Variants in RAB7A observed in about 807,000 individuals in gnomAD.
The protein encoded by RAB7A is RAB7A, member RAS oncogene family, also known as ras-related protein Rab-7a.
RAB7A carries 2 observed loss-of-function variants against 24.5 expected under a neutral mutation model. That is an observed-to-expected ratio of 0.08 (90% CI 0.03 to 0.26). RAB7A has a LOEUF of 0.26. RAB7A is among the 10% of genes least tolerant of loss of function. The pLI, the probability that RAB7A is intolerant of heterozygous loss-of-function variation, is 1.00. For synonymous variants in RAB7A, 100 were observed against 95.9 expected, an observed-to-expected ratio of 1.04 and a Z score of -0.25; for missense variants, 118 against 255.7, an observed-to-expected ratio of 0.46 and a Z score of 3.67.
intron 1 of RAB7A, among the ~76,000 whole-genome samples, chr3:128,777,062 A>G (rs962337568): frequency 6.6e-6 from 1 of 151,626 alleles, no homozygotes; most frequent in Non-Finnish European, 1.5e-5. Context: ...AAATTAGATT[A>G]TTTGTTTTCT....
At chr3:128,745,883 G>C (rs34150465) in intron 1 of RAB7A, among the ~76,000 whole-genome samples, 30,013 of 152,124 alleles carry the variant, frequency 0.2, 3,158 homozygotes, top group East Asian at 0.47. Flanking sequence ...TCCATCCTCT[G>C]CTGGTTGAGT....
At chr3:128,798,891 G>T in intron 3 of RAB7A, 1 of 298,736 alleles carries the variant, frequency 3.3e-6, no homozygotes, top group Non-Finnish European at 6.5e-6. Flanking sequence ...TTTCTTCATG[G>T]TCCATGATGC....
In RAB7A at chr3:128,728,484, C is replaced by T. The variant is rs116369497; in HGVS notation, c.-9+2125C>T. 7.2e-3 allele frequency among the ~76,000 whole-genome samples: 1,093 copies of T among 152,192 alleles called. 13 individuals are homozygous for T. The highest frequency in any genetic ancestry group is 0.013 in the Non-Finnish European group (895 of 68,012). Reference sequence around the variant, plus strand: ...ATTTTATTTTATTTATATTTTGAGACGGAGTTTCCCTCTTGTTGCCCAGGC... The same window carrying T: ...ATTTTATTTTATTTATATTTTGAGATGGAGTTTCCCTCTTGTTGCCCAGGC... On this transcript the variant is annotated intron_variant, in intron 1 of 5. Transcript: ENST00000265062.
intron 1 of RAB7A, among the ~76,000 whole-genome samples, chr3:128,743,762 AT>A (rs141010184): frequency 0.012 from 1,859 of 151,114 alleles, 40 homozygotes; most frequent in African/African-American, 0.043. Flanking sequence ...ATATCAGCCT[AT>A]TCAACATGAC....
chr3:128,795,727 T>C (rs1173534304), intron 2 of RAB7A, among the ~76,000 whole-genome samples: 3 of 146,676 alleles, frequency 2.0e-5, no homozygotes, highest in Non-Finnish European at 4.5e-5. Flanking sequence ...TGTATTGCCA[T>C]TGGCATCTGG....
chr3:128,769,799 CAGA>C (rs1436365964), intron 1 of RAB7A, among the ~76,000 whole-genome samples: 1 of 152,120 alleles, frequency 6.6e-6, no homozygotes, highest in Admixed American at 6.6e-5. Flanking sequence ...TGGGCAGTAG[CAGA>C]AGAATGGGCT....
intron 3 of RAB7A, among the ~76,000 whole-genome samples, chr3:128,800,415 C>T (rs1322892961): frequency 1.3e-5 from 2 of 152,148 alleles, no homozygotes; most frequent in Non-Finnish European, 2.9e-5. Flanking sequence ...CAGAGTTCGG[C>T]CCCTGCTGGG....
chr3:128,763,897 T>C (rs1197363116), intron 1 of RAB7A, among the ~76,000 whole-genome samples: 3 of 121,716 alleles, frequency 2.5e-5, no homozygotes, highest in Admixed American at 1.1e-4. Flanking sequence ...TCAACTAATA[T>C]AGTTCCTACT....
At chr3:128,770,084 C>A (rs1377076929) in intron 1 of RAB7A, among the ~76,000 whole-genome samples, 1 of 151,408 alleles carries the variant, frequency 6.6e-6, no homozygotes, top group Admixed American at 6.6e-5. Flanking sequence ...CTTACTGCAA[C>A]CTTTGCCTTC....
At chr3:128,794,597 A>G (rs530192353) in intron 1 of RAB7A, among the ~76,000 whole-genome samples, 12 of 150,600 alleles carry the variant, frequency 8.0e-5, no homozygotes, top group African/African-American at 3.0e-4. Flanking sequence ...ACCCTGGCAA[A>G]TGAGAGGCAA....
intron 1 of RAB7A, among the ~76,000 whole-genome samples, chr3:128,735,785 T>C (rs1025291107): frequency 1.3e-5 from 2 of 152,210 alleles, no homozygotes; most frequent in Admixed American, 6.5e-5. Context: ...AGGGTTGATA[T>C]CAAACTATCG....
intron 1 of RAB7A, among the ~76,000 whole-genome samples, chr3:128,769,825 A>G (rs2107600176): frequency 6.6e-6 from 1 of 152,324 alleles, no homozygotes; most frequent in East Asian, 1.9e-4. Context: ...GTAAGGTGGG[A>G]ACAGTGAAAC....
At chr3:128,735,321 G>A (rs1335027129) in intron 1 of RAB7A, among the ~76,000 whole-genome samples, 1 of 151,768 alleles carries the variant, frequency 6.6e-6, no homozygotes, top group African/African-American at 2.4e-5. Flanking sequence ...CTCTAATTTG[G>A]GAATGACTGT....
chr3:128,740,931 GTTTC>G (rs1455850532), intron 1 of RAB7A, among the ~76,000 whole-genome samples: 3 of 138,908 alleles, frequency 2.2e-5, no homozygotes, highest in Non-Finnish European at 4.7e-5. Context: ...AAAGACTTGT[GTTTC>G]TTTGTTTGAT....
intron 3 of RAB7A, among the ~76,000 whole-genome samples, chr3:128,805,466 G>A (rs767632588): frequency 1.1e-4 from 17 of 152,130 alleles, no homozygotes; most frequent in Non-Finnish European, 1.9e-4. Flanking sequence ...CTTAAATCTA[G>A]CATGGCAGTG....
chr3:128,759,187 G>C (rs2070756748), intron 1 of RAB7A, among the ~76,000 whole-genome samples: 1 of 152,230 alleles, frequency 6.6e-6, no homozygotes, highest in Non-Finnish European at 1.5e-5. Flanking sequence ...CAGGGAAACT[G>C]AGAATTTACA....
At chr3:128,777,697 C>G (rs1390572979) in intron 1 of RAB7A, among the ~76,000 whole-genome samples, 2 of 152,180 alleles carry the variant, frequency 1.3e-5, no homozygotes, top group Admixed American at 6.5e-5. Flanking sequence ...GCCAAGGACT[C>G]TATAAAAGCT....
In RAB7A at chr3:128,745,926, T is replaced by C. The variant is rs919609886; in HGVS notation, c.-9+19567T>C. 1.2e-4 allele frequency among the ~76,000 whole-genome samples: 18 copies of C among 152,362 alleles called. No individual in the cohort carries two copies. In the South Asian group the frequency reaches 3.7e-3, roughly 32 times the overall value. ...GCTGAGTGTGCTGGTCACACAGCAA[T>C]GTGGGCTTCTTGACCAGCGCCCCCT... On this transcript the variant is annotated intron_variant, in intron 1 of 5. Coordinates refer to ENST00000265062, the MANE Select transcript of RAB7A (RefSeq NM_004637.6).
chr3:128,803,725 G>A (rs1933745187), intron 3 of RAB7A, among the ~76,000 whole-genome samples: 2 of 152,216 alleles, frequency 1.3e-5, no homozygotes, highest in Admixed American at 1.3e-4. Flanking sequence ...TTTTGGGAAT[G>A]AAAAAAGACA....
Sources: allele counts gnomAD v4.1 joint callset (sites outside exome capture counted in the v4.1 genomes callset), GRCh38; gene constraint gnomAD v4.1.1; transcripts MANE v1.5; gene names NCBI Gene and HGNC (gene_info 2026-07-23, HGNC 2026-07-21).